CRIM1: variants seen among roughly 807,000 people sequenced by gnomAD.
CRIM1 encodes the protein cysteine-rich motor neuron 1 protein.
Under a neutral mutation model 116.4 loss-of-function variants are expected in CRIM1, and 32 were observed. The ratio of observed to expected loss-of-function variants is 0.27; its 90% confidence interval spans 0.21 to 0.37. The LOEUF (loss-of-function observed/expected upper bound fraction) is 0.37. CRIM1 is among the 10% of genes least tolerant of loss of function. The pLI is 1.00. For missense variants in CRIM1, 1,331 were observed against 1,354.8 expected (o/e 0.98, Z 0.28); for synonymous variants, 590 against 509.2 (o/e 1.16, Z -2.13).
chr2:36,501,132 T>G (rs1680952386), intron 8 of CRIM1, among the ~76,000 whole-genome samples: 1 of 152,206 alleles, frequency 6.6e-6, no homozygotes, highest in Non-Finnish European at 1.5e-5. Flanking sequence ...TCTCTTTCCA[T>G]TCTCTTCGAT....
At chr2:36,441,605 C>A in intron 3 of CRIM1, 105 bp downstream of exon 3, 1 of 1,410,094 alleles carries the variant, frequency 7.1e-7, no homozygotes, top group Non-Finnish European at 9.7e-7. Flanking sequence ...GATGGGCCTT[C>A]TCACCGGTGT....
At chr2:36,529,123 A>G (rs976387376) in intron 13 of CRIM1, 4 of 471,180 alleles carry the variant, frequency 8.5e-6, no homozygotes, top group Non-Finnish European at 1.3e-5. Context: ...GAGATCCAAC[A>G]GTATCTGCCT....
chr2:36,442,468 T>C, intron 3 of CRIM1, 147 bp from the exon 4 acceptor site: 1 of 850,194 alleles, frequency 1.2e-6, no homozygotes, highest in Admixed American at 2.2e-5. Flanking sequence ...TTCTATAGCA[T>C]TAACTGGAGT....
At chr2:36,465,862 C>T (rs1378476898) in intron 5 of CRIM1, among the ~76,000 whole-genome samples, 11 of 151,754 alleles carry the variant, frequency 7.2e-5, no homozygotes, top group Non-Finnish European at 1.2e-4. Flanking sequence ...TTGAATTTTG[C>T]CTCAGATGTA....
chr2:36,367,432 A>G (rs2148294326), intron 1 of CRIM1, among the ~76,000 whole-genome samples: 1 of 152,314 alleles, frequency 6.6e-6, no homozygotes, highest in Non-Finnish European at 1.5e-5. Context: ...ATCCCCCTTC[A>G]TCTCTTAATA....
At chr2:36,502,667 C>T (rs1186932331) in intron 8 of CRIM1, among the ~76,000 whole-genome samples, 1 of 152,176 alleles carries the variant, frequency 6.6e-6, no homozygotes, top group Non-Finnish European at 1.5e-5. Flanking sequence ...TGAAATATCA[C>T]TACTTTAAGC....
In CRIM1 at chr2:36,548,961, G is replaced by T. The variant is rs1301143090; in HGVS notation, c.*260G>T. ...CTAAGATATATTTGCCTGTAAGATAGCTGTAGAGATATTTGGGGTGGGGAC... is the reference window on the plus strand; with the variant it reads ...CTAAGATATATTTGCCTGTAAGATATCTGTAGAGATATTTGGGGTGGGGAC... On this transcript the variant is annotated 3_prime_UTR_variant, in exon 17 of 17. Transcript: ENST00000280527. 4.0e-6 allele frequency: 1 copy of T among 251,292 alleles called. No homozygotes were observed. Among genetic ancestry groups the T allele is most frequent in the Non-Finnish European group, 7.6e-6 (1 of 131,778 alleles). 15.6% of individuals were successfully genotyped at this position (251,292 alleles called of 1,614,324 possible).
At position 36,549,816 on chromosome 2, in the gene CRIM1, G is replaced by GTATT. The variant is rs1427347858; in HGVS notation, c.*1117_*1120dup. The GTATT allele has an allele frequency of 6.6e-6, 1 of 151,462 alleles. No homozygotes were observed. The highest frequency in any genetic ancestry group is 2.4e-5 in the African/African-American group (1 of 41,176). The allele number at this position is 151,462 out of a possible 1,614,324, so 9.4% of individuals were successfully genotyped here. A position where few individuals can be genotyped will look rare whatever the true frequency, so the allele number is the denominator to read the frequency against. On this transcript the variant is annotated 3_prime_UTR_variant, in exon 17 of 17. Transcript: ENST00000280527. ...CTATCTTATGCTTCAAAAAACAAAA[G>GTATT]TATTTGTGTGCATGTGTATATAATA... is the stretch of plus-strand genomic sequence containing the variant.
chr2:36,363,199 CAAAAAA>C (rs200110269), intron 1 of CRIM1, among the ~76,000 whole-genome samples: 1 of 70,226 alleles, frequency 1.4e-5, no homozygotes, highest in Non-Finnish European at 3.0e-5. Flanking sequence ...GACCCTGTCT[CAAAAAA>C]AAAAAAAAAA....
chr2:36,435,132 G>A (rs756327559), intron 2 of CRIM1, among the ~76,000 whole-genome samples: 4 of 152,128 alleles, frequency 2.6e-5, no homozygotes, highest in Admixed American at 1.3e-4. Flanking sequence ...CTGATACCAC[G>A]GCTACTCTAG....
At chr2:36,384,696 C>T (rs1056061138) in intron 1 of CRIM1, among the ~76,000 whole-genome samples, 5 of 152,168 alleles carry the variant, frequency 3.3e-5, no homozygotes, top group African/African-American at 4.8e-5. Flanking sequence ...TTTCCATTGT[C>T]CCCTAATTTA....
intron 1 of CRIM1, among the ~76,000 whole-genome samples, chr2:36,387,359 T>A (rs1162626494): frequency 6.6e-6 from 1 of 152,234 alleles, no homozygotes; most frequent in African/African-American, 2.4e-5. Context: ...TAAGAGTATG[T>A]TTGATAACTG....
At chr2:36,436,051 A>C (rs1174335123) in intron 2 of CRIM1, among the ~76,000 whole-genome samples, 1 of 151,904 alleles carries the variant, frequency 6.6e-6, no homozygotes, top group Non-Finnish European at 1.5e-5. Flanking sequence ...CAAATAGATA[A>C]AATTAAAAAT....
intron 4 of CRIM1, among the ~76,000 whole-genome samples, chr2:36,455,401 T>C (rs1677058982): frequency 6.6e-6 from 1 of 152,228 alleles, no homozygotes; most frequent in South Asian, 2.1e-4. Flanking sequence ...TCATATGATA[T>C]GTGGGTACTT....
chr2:36,452,656 G>A (rs1387762110), intron 4 of CRIM1, among the ~76,000 whole-genome samples: 2 of 151,694 alleles, frequency 1.3e-5, no homozygotes, highest in East Asian at 1.9e-4. Flanking sequence ...AGATGCGTGC[G>A]TGCTGTGTTT....
intron 14 of CRIM1, among the ~76,000 whole-genome samples, chr2:36,543,630 G>A (rs535601582): frequency 5.2e-4 from 79 of 151,900 alleles, no homozygotes; most frequent in African/African-American, 1.6e-3. Context: ...GCTAGTTGTC[G>A]TTAGCTGGAT....
chr2:36,516,302 A>G (rs1665027584), intron 11 of CRIM1, among the ~76,000 whole-genome samples: 1 of 152,106 alleles, frequency 6.6e-6, no homozygotes, highest in African/African-American at 2.4e-5. Context: ...AGCTCCAAGC[A>G]TGAGCTAGCC....
chr2:36,456,648 C>T (rs1415801547), intron 4 of CRIM1, among the ~76,000 whole-genome samples: 2 of 152,152 alleles, frequency 1.3e-5, no homozygotes, highest in Admixed American at 6.5e-5. Flanking sequence ...GGCCAGCTCT[C>T]GATGTGTGAT....
Position 36,396,678 on chromosome 2 carries a change from C to T in CRIM1, c.396C>T (p.Gly132=). ...FKPCNENLIA[G]CNIINGKCEC... is the part of the protein sequence containing the mutation. ...CATGCAATGAAAACCTTATTGCTGG[C>T]TGCAATATAATCAATGGGAAATGTG... Residue 132 remains glycine, a synonymous_variant, in exon 2 of 17, where the codon GGC becomes GGT. Transcript: ENST00000280527. The T allele has an allele frequency of 6.2e-7, 1 of 1,613,210 alleles. No individual in the cohort carries two copies. Among genetic ancestry groups the T allele is most frequent in the Non-Finnish European group, 8.5e-7 (1 of 1,179,210 alleles).
Sources: gnomAD v4.1 joint callset for allele counts (sites outside exome capture counted in the v4.1 genomes callset) on GRCh38, gnomAD v4.1.1 for gene constraint, MANE v1.5 for transcripts, NCBI Gene and HGNC (gene_info 2026-07-23, HGNC 2026-07-21) for gene names.